The following RIT2 variants were observed in gnomAD, a reference collection of about 807,000 sequenced individuals.
RIT2 encodes GTP-binding protein Rit2.
Under a neutral mutation model 23.7 loss-of-function variants are expected in RIT2, and 24 were observed. That is an observed-to-expected ratio of 1.01 (90% CI 0.73 to 1.43). The LOEUF (loss-of-function observed/expected upper bound fraction) is 1.43, where lower values mean the gene tolerates loss of function less well. Ranked by LOEUF, RIT2 falls within the 40% of genes most tolerant of loss-of-function variation. The probability of loss-of-function intolerance (pLI) is 0.00; values close to 1 mark genes in which losing one functional copy is unlikely to be tolerated. For missense variants in RIT2, 236 were observed against 266.9 expected, an observed-to-expected ratio of 0.88 and a Z score of 0.81; for synonymous variants, 107 against 91.1, an observed-to-expected ratio of 1.17 and a Z score of -0.99.
chr18:43,069,194 AT>A (rs1365154864), intron 1 of RIT2, among the ~76,000 whole-genome samples: 1 of 152,030 alleles, frequency 6.6e-6, no homozygotes, highest in South Asian at 2.1e-4. Flanking sequence ...TCTCCCTGTG[AT>A]TTTTTGTTGC....
intron 2 of RIT2, among the ~76,000 whole-genome samples, chr18:42,982,991 A>G (rs75429826): frequency 0.032 from 4,918 of 152,146 alleles, 265 homozygotes; most frequent in African/African-American, 0.11. Context: ...ATATTTTGGG[A>G]AAAAGGAAAG....
intron 3 of RIT2, among the ~76,000 whole-genome samples, chr18:42,957,855 C>A (rs985861938): frequency 6.6e-6 from 1 of 152,102 alleles, no homozygotes; most frequent in African/African-American, 2.4e-5. Flanking sequence ...TTATGTACAA[C>A]TGGTATAAAC....
At chr18:42,997,636 A>G (rs1423116312) in intron 2 of RIT2, among the ~76,000 whole-genome samples, 1 of 152,126 alleles carries the variant, frequency 6.6e-6, no homozygotes, top group Non-Finnish European at 1.5e-5. Flanking sequence ...CATTCAAAAA[A>G]TATTTTGAGC....
chr18:42,984,031 A>G (rs1442070813), intron 2 of RIT2, among the ~76,000 whole-genome samples: 1 of 152,120 alleles, frequency 6.6e-6, no homozygotes. Flanking sequence ...TAAAATAGCA[A>G]GTGCACTCCT....
At chr18:42,785,448 C>CTT (rs11292332) in intron 4 of RIT2, among the ~76,000 whole-genome samples, 1 of 146,138 alleles carries the variant, frequency 6.8e-6, no homozygotes, top group East Asian at 2.0e-4. Context: ...CTTGGCCTCT[C>CTT]TTTTTTTTTT....
chr18:43,004,098 T>G (rs998532744), intron 2 of RIT2, among the ~76,000 whole-genome samples: 10 of 151,898 alleles, frequency 6.6e-5, no homozygotes, highest in Non-Finnish European at 1.3e-4. Flanking sequence ...AGATGACTAT[T>G]CTGGCTAGCC....
At chr18:42,993,039 T>C (rs1910892119) in intron 2 of RIT2, among the ~76,000 whole-genome samples, 1 of 152,176 alleles carries the variant, frequency 6.6e-6, no homozygotes, top group African/African-American at 2.4e-5. Context: ...ATTCCTTGCC[T>C]CCACTGTGAG....
intron 4 of RIT2, among the ~76,000 whole-genome samples, chr18:42,879,993 G>T (rs1025676597): frequency 6.6e-6 from 1 of 152,054 alleles, no homozygotes; most frequent in Admixed American, 6.6e-5. Context: ...GAAAGAAGAG[G>T]GCTAGCTTGT....
intron 1 of RIT2, among the ~76,000 whole-genome samples, chr18:43,094,843 G>A (rs911467909): frequency 2.0e-5 from 3 of 151,986 alleles, no homozygotes; most frequent in African/African-American, 7.2e-5. Context: ...AGTTTGCTGA[G>A]AATGATGGTT....
At chr18:43,063,703 G>A (rs1035887167) in intron 1 of RIT2, among the ~76,000 whole-genome samples, 3 of 152,100 alleles carry the variant, frequency 2.0e-5, no homozygotes, top group Non-Finnish European at 4.4e-5. Context: ...TTATGTGACA[G>A]CTTAGAAGAT....
intron 3 of RIT2, among the ~76,000 whole-genome samples, chr18:42,950,368 C>CA (rs1909821189): frequency 6.6e-6 from 1 of 152,022 alleles, no homozygotes. Flanking sequence ...ACTGGATCCC[C>CA]ACCTTTCACC....
intron 4 of RIT2, among the ~76,000 whole-genome samples, chr18:42,763,997 C>A (rs980106068): frequency 6.6e-6 from 1 of 152,146 alleles, no homozygotes; most frequent in African/African-American, 2.4e-5. Context: ...CCATCACTGA[C>A]CGAAATGTTG....
intron 4 of RIT2, among the ~76,000 whole-genome samples, chr18:42,773,389 T>G (rs1598648118): frequency 6.6e-6 from 1 of 152,128 alleles, no homozygotes; most frequent in African/African-American, 2.4e-5. Flanking sequence ...GAATATAAAC[T>G]GATGAAAAAA....
At position 42,967,470 on chromosome 18, in the gene RIT2, T is replaced by C. The variant is rs1019255478; in HGVS notation, c.234+6604A>G. ...CTGAAAGCTCCGCCTCCCGGGTTCA[T>C]GCCATTCTCCTCCCTCAGCCTCCTG... On this transcript the variant is annotated intron_variant, in intron 3 of 4. Coordinates refer to ENST00000326695, the MANE Select transcript of RIT2 (RefSeq NM_002930.4). Among the ~76,000 whole-genome samples, 6 of 151,068 alleles carry C rather than the reference T, an allele frequency of 4.0e-5. No homozygotes were observed. In the East Asian group the frequency reaches 1.2e-3, roughly 29 times the overall value.
chr18:42,903,892 AAAG>A lies in RIT2; in HGVS notation c.426+19677_426+19679del, dbSNP rs1217710749. On this transcript the variant is annotated intron_variant, in intron 4 of 4. Coordinates refer to ENST00000326695, the MANE Select transcript of RIT2 (RefSeq NM_002930.4). Reference sequence around the variant, plus strand: ...AATCAAAGTATTTTTAATCAAAATCAAAGAAGAATTTTTCCTGAAACTAGGCAA... The same window carrying A: ...AATCAAAGTATTTTTAATCAAAATCAAAGAATTTTTCCTGAAACTAGGCAA... 5.9e-5 allele frequency among the ~76,000 whole-genome samples: 9 copies of A among 152,312 alleles called. No individual in the cohort carries two copies. The East Asian group carries it at 1.7e-3, about 29-fold the overall frequency.
At chr18:43,077,973 A>G (rs1386602454) in intron 1 of RIT2, among the ~76,000 whole-genome samples, 1 of 152,144 alleles carries the variant, frequency 6.6e-6, no homozygotes, top group Non-Finnish European at 1.5e-5. Flanking sequence ...CATATTCTCA[A>G]ATTTAGCAAA....
At chr18:42,838,206 T>C (rs1255630044) in intron 4 of RIT2, among the ~76,000 whole-genome samples, 3 of 151,362 alleles carry the variant, frequency 2.0e-5, no homozygotes, top group Non-Finnish European at 4.4e-5. Flanking sequence ...TGTGCATATG[T>C]TTTTTTTTCT....
At chr18:43,038,515 T>C (rs1189414261) in intron 1 of RIT2, among the ~76,000 whole-genome samples, 1 of 152,104 alleles carries the variant, frequency 6.6e-6, no homozygotes, top group Non-Finnish European at 1.5e-5. Context: ...TCCAAACTAT[T>C]CTCCCAAGGG....
Position 42,827,821 on chromosome 18 carries a change from C to T in RIT2, c.427-84101G>A, listed in dbSNP as rs546204800. Among the ~76,000 whole-genome samples the T allele has an allele frequency of 2.6e-4, 39 of 151,648 alleles. No homozygotes were observed. In the South Asian group the frequency reaches 3.3e-3, roughly 13 times the overall value. ...GAAATCAAGACCATCCTGGCTAACA[C>T]GGTGAAACCCCGTCTCTACTAAAAA... is the stretch of plus-strand genomic sequence containing the variant. On this transcript the variant is annotated intron_variant, in intron 4 of 4. Transcript: ENST00000326695.
Sources: allele counts gnomAD v4.1 joint callset (sites outside exome capture counted in the v4.1 genomes callset), GRCh38; gene constraint gnomAD v4.1.1; transcripts MANE v1.5; gene names NCBI Gene and HGNC (gene_info 2026-07-23, HGNC 2026-07-21).